Variants in CHST15 observed in about 807,000 individuals in gnomAD.
The protein encoded by CHST15 is carbohydrate sulfotransferase 15.
CHST15 carries 30 observed loss-of-function variants against 53.6 expected under a neutral mutation model. The observed-to-expected ratio is 0.56, with a 90% CI of 0.42 to 0.76. The LOEUF (loss-of-function observed/expected upper bound fraction) is 0.76. Ranked by LOEUF, CHST15 falls within the 30% of genes least tolerant of loss-of-function variation. The probability of loss-of-function intolerance (pLI) is 0.00; values close to 1 mark genes in which losing one functional copy is unlikely to be tolerated. For synonymous variants in CHST15, 296 were observed against 289.8 expected, an observed-to-expected ratio of 1.02 and a Z score of -0.22; for missense variants, 627 against 740.5, an observed-to-expected ratio of 0.85 and a Z score of 1.78.
At position 124,021,312 on chromosome 10, in the gene CHST15, G is replaced by C; in HGVS notation, c.1291C>G (p.Leu431Val). 6.2e-7 allele frequency: 1 copy of C among 1,613,070 alleles called. No homozygotes were observed. The highest frequency in any genetic ancestry group is 8.5e-7 in the Non-Finnish European group (1 of 1,179,896). Residue 431 changes from leucine (L) to valine (V), a missense_variant, in exon 6 of 8, where the codon CTT becomes GTT. Around this residue, in one of 3 missense-constraint regions of CHST15, gnomAD observed 279 missense variants for 371.6 expected, o/e 0.75. Coordinates refer to ENST00000435907, the MANE Select transcript of CHST15 (RefSeq NM_001270764.2). ...ACGCAGGCGCGCAGTGAATAATCAAGCATGCAATTTTCAAACAGCTGCAGT... is the reference window on the plus strand; with the variant it reads ...ACGCAGGCGCGCAGTGAATAATCAACCATGCAATTTTCAAACAGCTGCAGT... Reference protein sequence around the residue: ...EALQLFENCMLDYSLRACVYN... With the variant: ...EALQLFENCMVDYSLRACVYN...
At chr10:124,082,757 A>G (rs1949289270) in intron 1 of CHST15, among the ~76,000 whole-genome samples, 1 of 152,254 alleles carries the variant, frequency 6.6e-6, no homozygotes, top group East Asian at 1.9e-4. Flanking sequence ...GGAAGTGCTG[A>G]CGCATGCCAC....
At chr10:124,044,946 A>C in intron 2 of CHST15, 27 bp from the exon 3 acceptor site, 9 of 1,402,260 alleles carry the variant, frequency 6.4e-6, no homozygotes, top group Non-Finnish European at 8.4e-6. Context: ...GAGGAGAGAC[A>C]CAGAGGAGGG....
rs1419518934 is a variant in CHST15 at position 124,046,337 on chromosome 10, A to G, written c.-125T>C. ...CTTGTGATCACAGAAGATGGATGGA[A>G]AGCACAAATACAAAAATAAGCAGAC... On this transcript the variant is annotated 5_prime_UTR_variant, in exon 2 of 8. Transcript: ENST00000435907. 3 of 857,236 alleles carry G rather than the reference A, an allele frequency of 3.5e-6. No individual in the cohort carries two copies. The African/African-American group carries it at 5.1e-5, about 15-fold the overall frequency. The allele number at this position is 857,236 out of a possible 1,614,324, so 53.1% of individuals were successfully genotyped here. A position where few individuals can be genotyped will look rare whatever the true frequency, so the allele number is the denominator to read the frequency against.
At chr10:124,088,568 C>T (rs975085602) in intron 1 of CHST15, among the ~76,000 whole-genome samples, 1 of 152,224 alleles carries the variant, frequency 6.6e-6, no homozygotes, top group Non-Finnish European at 1.5e-5. Context: ...CCCCTCACCC[C>T]CTTATTTCCC....
chr10:124,027,302 C>T lies in CHST15; in HGVS notation c.1191-5890G>A, dbSNP rs1342422025. On this transcript the variant is annotated intron_variant, in intron 5 of 7. Transcript: ENST00000435907. Reference sequence around the variant, plus strand: ...AATGTATGTTAGGGGGCATAGGGCTCCATCAATCCAGTGCCTCTGAAAGTG... The same window carrying T: ...AATGTATGTTAGGGGGCATAGGGCTTCATCAATCCAGTGCCTCTGAAAGTG... 2.0e-5 allele frequency among the ~76,000 whole-genome samples: 3 copies of T among 152,108 alleles called. No individual in the cohort carries two copies. In the East Asian group the frequency reaches 5.8e-4, roughly 29 times the overall value.
At chr10:124,045,133 A>ACAAAAAC (rs1564882286) in intron 2 of CHST15, among the ~76,000 whole-genome samples, 74 of 145,786 alleles carry the variant, frequency 5.1e-4, no homozygotes, top group African/African-American at 1.9e-3. Context: ...AAAAAAAAAA[A>ACAAAAAC]AAAAAAAAAA....
intron 5 of CHST15, among the ~76,000 whole-genome samples, chr10:124,038,118 T>A (rs1056827549): frequency 5.9e-5 from 9 of 151,838 alleles, no homozygotes; most frequent in East Asian, 3.9e-4. Context: ...ATTTTATTTT[T>A]TTTTTTGAGA....
rs28413727 is a variant in CHST15 at position 124,037,834 on chromosome 10, G to A, written c.1190+681C>T. Among the ~76,000 whole-genome samples the A allele has an allele frequency of 9.7e-3, 1,481 of 152,300 alleles. 14 individuals are homozygous for A. Among genetic ancestry groups the A allele is most frequent in the Middle Eastern group, 0.017 (5 of 292 alleles). On this transcript the variant is annotated intron_variant, in intron 5 of 7. Coordinates refer to ENST00000435907, the MANE Select transcript of CHST15 (RefSeq NM_001270764.2). ...AGACAAGGATAAAGGCATCAACCACGTGGAGAGACACAGAATTCTAGGAGT... is the reference window on the plus strand; with the variant it reads ...AGACAAGGATAAAGGCATCAACCACATGGAGAGACACAGAATTCTAGGAGT...
chr10:124,085,299 C>T (rs1217851968), intron 1 of CHST15, among the ~76,000 whole-genome samples: 1 of 152,224 alleles, frequency 6.6e-6, no homozygotes, highest in Non-Finnish European at 1.5e-5. Flanking sequence ...GAGTAGACGG[C>T]TCCGCTTATA....
At chr10:124,022,919 C>T (rs1043989660) in intron 5 of CHST15, among the ~76,000 whole-genome samples, 3 of 149,188 alleles carry the variant, frequency 2.0e-5, no homozygotes, top group South Asian at 2.1e-4. Flanking sequence ...TGGGTTCAAG[C>T]GATTCTCCTG....
At position 124,012,336 on chromosome 10, in the gene CHST15, G is replaced by C. The variant is rs747247902; in HGVS notation, c.1492C>G (p.Leu498Val). The change falls in exon 7 of 8, where the codon CTA becomes GTA. Residue 498 changes from leucine to valine, a missense_variant. Coordinates refer to ENST00000435907, the MANE Select transcript of CHST15 (RefSeq NM_001270764.2). Reference protein sequence around the residue: ...TMHKVFQFLNLGPLSEKQEAL... With the variant: ...TMHKVFQFLNVGPLSEKQEAL... ...AGTCTAAGCACCACACTCATACCTA[G>C]GTTCAGAAACTGGAAGACCTTGTGC... The C allele has an allele frequency of 1.8e-5, 29 of 1,613,638 alleles. No homozygotes were observed. Among genetic ancestry groups the C allele is most frequent in the Non-Finnish European group, 2.5e-5 (29 of 1,179,668 alleles).
chr10:124,009,198 G>A lies in CHST15; in HGVS notation c.*951C>T. The A allele has an allele frequency of 8.7e-7, 1 of 1,148,868 alleles. No homozygotes were observed. The highest frequency in any genetic ancestry group is 6.2e-5 in the East Asian group (1 of 16,102). The allele number at this position is 1,148,868 out of a possible 1,614,324, so 71.2% of individuals were successfully genotyped here. A position where few individuals can be genotyped will look rare whatever the true frequency, so the allele number is the denominator to read the frequency against. On this transcript the variant is annotated 3_prime_UTR_variant, in exon 8 of 8. Transcript: ENST00000435907. ...TCTGATGATCTTGTAAACCTGATGAGGGCTTGAATTACCTAGATTTTCCAA... is the reference window on the plus strand; with the variant it reads ...TCTGATGATCTTGTAAACCTGATGAAGGCTTGAATTACCTAGATTTTCCAA...
At chr10:124,091,838 C>G (rs1949608121) in intron 1 of CHST15, among the ~76,000 whole-genome samples, 1 of 152,246 alleles carries the variant, frequency 6.6e-6, no homozygotes, top group African/African-American at 2.4e-5. Context: ...CGCGGACCTC[C>G]AGCCGCCAGC....
chr10:124,079,957 A>G (rs1468701732), intron 1 of CHST15, among the ~76,000 whole-genome samples: 1 of 152,104 alleles, frequency 6.6e-6, no homozygotes, highest in Non-Finnish European at 1.5e-5. Context: ...TGTTTTTATG[A>G]GTGTGGTTTC....
intron 1 of CHST15, among the ~76,000 whole-genome samples, chr10:124,077,742 G>A (rs1051390847): frequency 1.3e-5 from 2 of 152,088 alleles, no homozygotes; most frequent in African/African-American, 2.4e-5. Flanking sequence ...ATCTCGTTCC[G>A]GTGGCATCTC....
At position 124,008,081 on chromosome 10, in the gene CHST15, C is replaced by A. The variant is rs1946318889; in HGVS notation, c.*2068G>T. ...ATATAAAAAAGATCCGCATAATAAA[C>A]CAAATAATATTGGAAATAATACCTT... On this transcript the variant is annotated 3_prime_UTR_variant, in exon 8 of 8. Coordinates refer to ENST00000435907, the MANE Select transcript of CHST15 (RefSeq NM_001270764.2). 1.6e-6 allele frequency: 2 copies of A among 1,231,854 alleles called. No individual in the cohort carries two copies. The highest frequency in any genetic ancestry group is 1.0e-6 in the Non-Finnish European group (1 of 987,948). 76.3% of individuals were successfully genotyped at this position (1,231,854 alleles called of 1,614,324 possible). A position where few individuals can be genotyped will look rare whatever the true frequency, so the allele number is the denominator to read the frequency against.
chr10:124,012,518 T>C (rs753464651), intron 6 of CHST15, 38 bp from the exon 7 acceptor site: 1 of 1,594,020 alleles, frequency 6.3e-7, no homozygotes, highest in South Asian at 1.1e-5. Flanking sequence ...TCAGGAGCAG[T>C]TGCCCCAACA....
chr10:124,012,304 G>A, intron 7 of CHST15, 29 bp downstream of exon 7: 1 of 1,598,584 alleles, frequency 6.3e-7, no homozygotes, highest in South Asian at 1.1e-5. Context: ...TCATGCTTTG[G>A]CCCGTCAGTC....
Position 124,010,076 on chromosome 10 carries a change from C to T in CHST15, c.*73G>A. ...TCCATACCATGAGTGAAACAGTTCC[C>T]CGCAAAGAGATTTGTAAAATCCTGA... On this transcript the variant is annotated 3_prime_UTR_variant, in exon 8 of 8. Transcript: ENST00000435907. 6.2e-7 allele frequency: 1 copy of T among 1,608,810 alleles called. No individual in the cohort carries two copies. Among genetic ancestry groups the T allele is most frequent in the Non-Finnish European group, 8.5e-7 (1 of 1,178,222 alleles).
Sources: allele counts gnomAD v4.1 joint callset (sites outside exome capture counted in the v4.1 genomes callset), GRCh38; gene constraint gnomAD v4.1.1; regional missense constraint gnomAD v4.1.1; transcripts MANE v1.5; gene names NCBI Gene and HGNC (gene_info 2026-07-23, HGNC 2026-07-21).